PTPRJ: variants seen among roughly 807,000 people sequenced by gnomAD.
The protein encoded by PTPRJ is protein tyrosine phosphatase receptor type J, also known as receptor-type tyrosine-protein phosphatase eta.
In PTPRJ, 129 loss-of-function variants were observed where a neutral mutation model predicts 141.3. The ratio of observed to expected loss-of-function variants is 0.91; its 90% CI spans 0.79 to 1.06. The LOEUF (loss-of-function observed/expected upper bound fraction) is 1.06. Among genes scored for constraint, PTPRJ ranks in the 50% least tolerant of loss-of-function variants. PTPRJ has a pLI of 0.00. For synonymous variants in PTPRJ, 610 were observed against 640.5 expected (o/e 0.95, Z 0.72); for missense variants, 1,601 against 1,679.7 (o/e 0.95, Z 0.82).
At chr11:48,153,980 A>G in intron 19 of PTPRJ, 94 bp downstream of exon 19, 1 of 845,940 alleles carries the variant, frequency 1.2e-6, no homozygotes, top group Non-Finnish European at 2.0e-6. Flanking sequence ...ATCCTAAGTA[A>G]CCACTTCCAC....
chr11:48,105,985 C>T (rs1246082185), intron 1 of PTPRJ, among the ~76,000 whole-genome samples: 4 of 152,182 alleles, frequency 2.6e-5, no homozygotes, highest in Non-Finnish European at 5.9e-5. Context: ...CACCCTCACC[C>T]TTGAAAACAG....
intron 1 of PTPRJ, among the ~76,000 whole-genome samples, chr11:48,095,597 G>A (rs1446333307): frequency 4.3e-5 from 3 of 68,978 alleles, no homozygotes; most frequent in South Asian, 1.0e-3. Context: ...TTTTTTTTTT[G>A]AGATGGAGTT....
intron 1 of PTPRJ, among the ~76,000 whole-genome samples, chr11:48,087,106 A>G (rs764348389): frequency 1.3e-5 from 2 of 152,232 alleles, no homozygotes; most frequent in Admixed American, 6.5e-5. Flanking sequence ...AGCTTATTCT[A>G]AAACTAAAAT....
At chr11:48,092,561 C>T (rs916753913) in intron 1 of PTPRJ, among the ~76,000 whole-genome samples, 9 of 151,852 alleles carry the variant, frequency 5.9e-5, no homozygotes, top group Non-Finnish European at 1.3e-4. Flanking sequence ...TCCCAAGGAG[C>T]TGGGATTATA....
chr11:47,996,888 A>C lies in PTPRJ; in HGVS notation c.96+15880A>C, dbSNP rs563816112. Among the ~76,000 whole-genome samples, 8 of 152,246 alleles carry C rather than the reference A, an allele frequency of 5.3e-5. No homozygotes were observed. The South Asian group carries it at 1.4e-3, about 28-fold the overall frequency. ...TTCAGAAGACCTGTTGTGAGGTAAG[A>C]CTCAGACCCTCAGCTTCTATCCGGC... On this transcript the variant is annotated intron_variant, in intron 1 of 24. Coordinates refer to ENST00000418331, the MANE Select transcript of PTPRJ (RefSeq NM_002843.4).
intron 1 of PTPRJ, among the ~76,000 whole-genome samples, chr11:48,042,785 TGA>T (rs1221047001): frequency 2.7e-4 from 40 of 146,226 alleles, no homozygotes; most frequent in Non-Finnish European, 4.8e-4. Context: ...TGTGTGTGTG[TGA>T]GAGAGAGAGA....
At position 48,121,295 on chromosome 11, in the gene PTPRJ, A is replaced by G. The variant is rs200971585; in HGVS notation, c.616+29A>G. On this transcript the variant is annotated intron_variant, in intron 4 of 24. Transcript: ENST00000418331. Reference sequence around the variant, plus strand: ...AGATGACTGGCTCCCAGGGATGATGACAAACCATTTCTTATTATGGTGTAT... The same window carrying G: ...AGATGACTGGCTCCCAGGGATGATGGCAAACCATTTCTTATTATGGTGTAT... The G allele has an allele frequency of 9.2e-5, 148 of 1,607,792 alleles. 2 individuals carry two copies. In the South Asian group the frequency reaches 1.6e-3, roughly 17 times the overall value.
intron 1 of PTPRJ, among the ~76,000 whole-genome samples, chr11:48,099,920 T>C (rs1291698699): frequency 3.9e-5 from 6 of 152,162 alleles, no homozygotes; most frequent in African/African-American, 1.2e-4. Flanking sequence ...AAAGGGACTG[T>C]TGTAGGCGGG....
rs748665348 is a variant in PTPRJ at position 48,167,190 on chromosome 11, C to T, written c.3856-14C>T. On this transcript the variant is annotated splice_polypyrimidine_tract_variant and intron_variant, in intron 24 of 24. Transcript: ENST00000418331. ...ATGTTCATTTTCTGTCTCTCTCTTT[C>T]GTTTTTCTATCAGGACCAGTATGTT... 20 of 1,597,970 alleles carry T rather than the reference C, an allele frequency of 1.3e-5. No individual in the cohort carries two copies. The highest frequency in any genetic ancestry group is 2.3e-5 in the South Asian group (2 of 88,802).
chr11:48,139,795 G>A lies in PTPRJ; in HGVS notation c.2443+19G>A, dbSNP rs373790570. ...ATCACAGGTGGGCTACAAGGCAGGGGCTGGTCAGTTGGCACTGTGATCACT... is the reference window on the plus strand; with the variant it reads ...ATCACAGGTGGGCTACAAGGCAGGGACTGGTCAGTTGGCACTGTGATCACT... On this transcript the variant is annotated intron_variant, in intron 11 of 24. Coordinates refer to ENST00000418331, the MANE Select transcript of PTPRJ (RefSeq NM_002843.4). 4 of 1,612,152 alleles carry A rather than the reference G, an allele frequency of 2.5e-6. No individual in the cohort carries two copies. Among genetic ancestry groups the A allele is most frequent in the Non-Finnish European group, 3.4e-6 (4 of 1,179,404 alleles).
chr11:48,153,999 A>G lies in PTPRJ; in HGVS notation c.3229+113A>G, dbSNP rs894002668. ...TAAGTAACCACTTCCACAACCATTC[A>G]TTAGTCACCTACTTCCACAACCATC... On this transcript the variant is annotated intron_variant, in intron 19 of 24. Coordinates refer to ENST00000418331, the MANE Select transcript of PTPRJ (RefSeq NM_002843.4). The G allele has an allele frequency of 4.0e-6, 3 of 746,178 alleles. No homozygotes were observed. In the East Asian group the frequency reaches 8.1e-5, roughly 20 times the overall value. The allele number at this position is 746,178 out of a possible 1,614,324, so 46.2% of individuals were successfully genotyped here.
At chr11:48,041,452 A>G (rs2134236576) in intron 1 of PTPRJ, among the ~76,000 whole-genome samples, 1 of 152,280 alleles carries the variant, frequency 6.6e-6, no homozygotes, top group South Asian at 2.1e-4. Context: ...TAGCGTTACT[A>G]CAAACTTCAT....
At position 47,980,576 on chromosome 11, in the gene PTPRJ, G is replaced by C. The variant is rs1853867143; in HGVS notation, c.-337G>C. 3.1e-6 allele frequency: 3 copies of C among 982,906 alleles called. No homozygotes were observed. Among genetic ancestry groups the C allele is most frequent in the Admixed American group, 6.2e-5 (1 of 16,056 alleles). The allele number at this position is 982,906 out of a possible 1,614,324, so 60.9% of individuals were successfully genotyped here. ...CCTGCAGCAGCCCCAGCCGCATGAC[G>C]CGCGGAGGAGGCAGCGGGAGCAGCC... On this transcript the variant is annotated 5_prime_UTR_variant, in exon 1 of 25. Coordinates refer to ENST00000418331, the MANE Select transcript of PTPRJ (RefSeq NM_002843.4).
rs769143127 is a variant in PTPRJ, at chr11:48,164,441, A to G, written c.3781A>G (p.Asn1261Asp). The G allele has an allele frequency of 3.7e-6, 6 of 1,613,922 alleles. No individual in the cohort carries two copies. Among genetic ancestry groups the G allele is most frequent in the Non-Finnish European group, 5.1e-6 (6 of 1,179,980 alleles). ...AIDRLIYQIENENTVDVYGIV... is the reference protein window; with the variant it reads ...AIDRLIYQIEDENTVDVYGIV... ...TGATCGTCTCATCTACCAGATAGAG[A>G]ATGAGAACACCGTGGATGTGTATGG... The change falls in exon 24 of 25, where the codon AAT becomes GAT. Residue 1261 changes from asparagine to aspartate, a missense_variant. Asn to Asp is a conservative substitution (Grantham distance 23, BLOSUM62 1). Transcript: ENST00000418331.
At chr11:48,075,641 C>T (rs1855379896) in intron 1 of PTPRJ, among the ~76,000 whole-genome samples, 1 of 151,890 alleles carries the variant, frequency 6.6e-6, no homozygotes, top group East Asian at 1.9e-4. Flanking sequence ...CTGTGTTGCT[C>T]AGGCTGGTCT....
chr11:48,143,222 C>T (rs767188268), intron 12 of PTPRJ, among the ~76,000 whole-genome samples, 172 bp downstream of exon 12: 1 of 152,210 alleles, frequency 6.6e-6, no homozygotes, highest in Non-Finnish European at 1.5e-5. Flanking sequence ...TGATGGTTGA[C>T]AAACTTTCTG....
intron 4 of PTPRJ, 41 bp from the exon 5 acceptor site, chr11:48,123,572 T>G: frequency 1.9e-6 from 3 of 1,590,528 alleles, no homozygotes; most frequent in Non-Finnish European, 2.6e-6. Flanking sequence ...GGTGACTGCA[T>G]ATATCTTGTT....
intron 1 of PTPRJ, among the ~76,000 whole-genome samples, chr11:48,040,815 C>T (rs773217678): frequency 1.3e-5 from 2 of 151,896 alleles, no homozygotes; most frequent in South Asian, 2.1e-4. Flanking sequence ...TTGGCCAGGC[C>T]GGTCTCAAAC....
chr11:47,997,521 G>T (rs1854373328), intron 1 of PTPRJ, among the ~76,000 whole-genome samples: 1 of 152,180 alleles, frequency 6.6e-6, no homozygotes, highest in African/African-American at 2.4e-5. Context: ...CCGAGTTTGT[G>T]CTGCGTCTGG....
Sources: allele counts gnomAD v4.1 joint callset (sites outside exome capture counted in the v4.1 genomes callset), GRCh38; gene constraint gnomAD v4.1.1; transcripts MANE v1.5; gene names NCBI Gene and HGNC (gene_info 2026-07-23, HGNC 2026-07-21).